COL4A2: variants seen among roughly 807,000 people sequenced by gnomAD.
COL4A2 encodes the protein collagen alpha-2(IV) chain.
COL4A2 carries 99 observed loss-of-function variants against 200.2 expected under a neutral mutation model. The ratio of observed to expected loss-of-function variants is 0.49; its 90% CI spans 0.42 to 0.58. The LOEUF is 0.58. Ranked by LOEUF, COL4A2 falls within the 20% of genes least tolerant of loss-of-function variation. The pLI, the probability that COL4A2 is intolerant of heterozygous loss-of-function variation, is 0.00. For synonymous variants in COL4A2, 897 were observed against 900.6 expected, an observed-to-expected ratio of 1.00 and a Z score of 0.07; for missense variants, 1,950 against 2,314.1, an observed-to-expected ratio of 0.84 and a Z score of 3.23.
At chr13:110,503,598 A>G (rs966737130) in intron 43 of COL4A2, 117 bp downstream of exon 43, 17 of 730,580 alleles carry the variant, frequency 2.3e-5, no homozygotes, top group Non-Finnish European at 3.6e-5. Context: ...CATGTTGTAA[A>G]GAGCAGGGAG....
chr13:110,376,115 A>T lies in COL4A2; in HGVS notation c.180+18563A>T, dbSNP rs139042343. ...CTATCTGACATTCACTGGCTTAGGGATATTTGGGGAGACACGATAGCTTGC... is the reference window on the plus strand; with the variant it reads ...CTATCTGACATTCACTGGCTTAGGGTTATTTGGGGAGACACGATAGCTTGC... On this transcript the variant is annotated intron_variant, in intron 4 of 47. Transcript: ENST00000360467. Among the ~76,000 whole-genome samples the T allele has an allele frequency of 7.3e-3, 1,104 of 152,268 alleles. 15 individuals carry two copies. Among genetic ancestry groups the T allele is most frequent in the African/African-American group, 0.025 (1,050 of 41,536 alleles).
chr13:110,506,364 CG>C (rs1288432775), intron 45 of COL4A2, 50 bp from the exon 46 acceptor site: 2 of 1,547,368 alleles, frequency 1.3e-6, no homozygotes, highest in Non-Finnish European at 1.8e-6. Context: ...CTCTCTTTCT[CG>C]GGCTGCAGGT....
chr13:110,490,902 C>T (rs1344993461), intron 36 of COL4A2, among the ~76,000 whole-genome samples: 3 of 152,170 alleles, frequency 2.0e-5, no homozygotes, highest in Non-Finnish European at 4.4e-5. Context: ...GGAGCCTCCC[C>T]TGCATCCATC....
chr13:110,370,218 A>AAG (rs1413193427), intron 4 of COL4A2, among the ~76,000 whole-genome samples: 3 of 151,232 alleles, frequency 2.0e-5, no homozygotes, highest in African/African-American at 7.3e-5. Flanking sequence ...AAAAGAAAAA[A>AAG]AAAACAAGGG....
In COL4A2 at chr13:110,503,869, C is replaced by A. The variant is rs375767567; in HGVS notation, c.4161C>A (p.Ala1387=). 3 of 1,613,930 alleles carry A rather than the reference C, an allele frequency of 1.9e-6. No homozygotes were observed. The highest frequency in any genetic ancestry group is 1.3e-5 in the African/African-American group (1 of 75,034). ...GFPGAPGTVG[A]PGIAGIPQKI... ...CAGGTGCCCCCGGGACTGTGGGAGC[C>A]CCCGGGATTGCAGGAATCCCCCAGA... Residue 1387 remains alanine (A), a synonymous_variant, in exon 44 of 48, where the codon GCC becomes GCA. Transcript: ENST00000360467.
intron 4 of COL4A2, among the ~76,000 whole-genome samples, chr13:110,387,989 C>T (rs1194652378): frequency 6.6e-6 from 1 of 152,138 alleles, no homozygotes; most frequent in African/African-American, 2.4e-5. Context: ...ACGTGTGCCT[C>T]GGTTGTTTCT....
At chr13:110,385,046 C>T (rs775365379) in intron 4 of COL4A2, among the ~76,000 whole-genome samples, 8 of 152,154 alleles carry the variant, frequency 5.3e-5, no homozygotes, top group Admixed American at 2.0e-4. Context: ...AGGCGGATCA[C>T]GAGGTCAGGA....
intron 4 of COL4A2, among the ~76,000 whole-genome samples, chr13:110,392,129 AGAAATACT>A (rs1399937090): frequency 6.6e-6 from 1 of 152,218 alleles, no homozygotes; most frequent in Non-Finnish European, 1.5e-5. Context: ...GGAGTTTGAA[AGAAATACT>A]GAAATACTGA....
At chr13:110,469,374 T>C in intron 28 of COL4A2, 50 bp downstream of exon 28, 1 of 1,510,250 alleles carries the variant, frequency 6.6e-7, no homozygotes, top group Non-Finnish European at 9.0e-7. Flanking sequence ...AGCGGGAACC[T>C]GTGTGTGATT....
chr13:110,371,709 A>G (rs949909278), intron 4 of COL4A2, among the ~76,000 whole-genome samples: 5 of 152,194 alleles, frequency 3.3e-5, no homozygotes, highest in African/African-American at 1.2e-4. Context: ...TGCTGTGAGC[A>G]TCGATACTCC....
chr13:110,336,574 A>T (rs1478677507), intron 3 of COL4A2, among the ~76,000 whole-genome samples: 1 of 152,082 alleles, frequency 6.6e-6, no homozygotes, highest in African/African-American at 2.4e-5. Context: ...GTTGTGGAGG[A>T]AAGAGTTAAA....
chr13:110,395,773 C>T (rs1204249853), intron 4 of COL4A2, among the ~76,000 whole-genome samples: 2 of 152,048 alleles, frequency 1.3e-5, no homozygotes, highest in Admixed American at 6.6e-5. Context: ...GACGAAACTC[C>T]GTCTCTGCTA....
At chr13:110,496,300 C>T (rs1883451492) in intron 40 of COL4A2, among the ~76,000 whole-genome samples, 1 of 152,236 alleles carries the variant, frequency 6.6e-6, no homozygotes, top group Non-Finnish European at 1.5e-5. Flanking sequence ...TGCTGGGGTG[C>T]AGGGATGTCT....
chr13:110,330,829 C>T (rs938267187), intron 3 of COL4A2, among the ~76,000 whole-genome samples: 1 of 152,046 alleles, frequency 6.6e-6, no homozygotes, highest in Non-Finnish European at 1.5e-5. Flanking sequence ...CTAGCAGTAA[C>T]TGCCAGCAGA....
chr13:110,360,746 G>A (rs372509711), intron 4 of COL4A2, among the ~76,000 whole-genome samples: 1 of 152,224 alleles, frequency 6.6e-6, no homozygotes, highest in African/African-American at 2.4e-5. Flanking sequence ...GTGATTGGCA[G>A]CTGTCTGAAG....
At chr13:110,383,606 CTTTTTTTTTTTTTTTT>C (rs67906394) in intron 4 of COL4A2, among the ~76,000 whole-genome samples, 3 of 65,348 alleles carry the variant, frequency 4.6e-5, no homozygotes, top group Non-Finnish European at 8.7e-5. Flanking sequence ...CAGCCCTTTT[CTTTTTTTTTTTTTTTT>C]TTTTTTTTTT....
chr13:110,480,918 T>A (rs935042090), intron 31 of COL4A2, among the ~76,000 whole-genome samples: 17 of 139,530 alleles, frequency 1.2e-4, no homozygotes, highest in East Asian at 4.5e-4. Flanking sequence ...GGAGACACAC[T>A]GTTCTGTCCC....
intron 3 of COL4A2, among the ~76,000 whole-genome samples, chr13:110,312,386 A>G (rs1885009022): frequency 1.3e-5 from 2 of 152,350 alleles, no homozygotes; most frequent in African/African-American, 4.8e-5. Context: ...AAAAGGTTCT[A>G]GAATAGAAAA....
intron 34 of COL4A2, among the ~76,000 whole-genome samples, chr13:110,487,680 A>G (rs562504100): frequency 5.3e-5 from 8 of 152,328 alleles, no homozygotes; most frequent in African/African-American, 1.9e-4. Context: ...CCAACAACCT[A>G]ACTTCATTTC....
Sources: gnomAD v4.1 joint callset for allele counts (sites outside exome capture counted in the v4.1 genomes callset) on GRCh38, gnomAD v4.1.1 for gene constraint, MANE v1.5 for transcripts, NCBI Gene and HGNC (gene_info 2026-07-23, HGNC 2026-07-21) for gene names.